The following C8orf34 variants were observed in gnomAD, a reference collection of about 807,000 sequenced individuals.
C8orf34 encodes chromosome 8 open reading frame 34.
Under a neutral mutation model 68.3 loss-of-function variants are expected in C8orf34, and 65 were observed. The ratio of observed to expected loss-of-function variants is 0.95; its 90% CI spans 0.78 to 1.17. The LOEUF (loss-of-function observed/expected upper bound fraction) is 1.17, where lower values mean the gene tolerates loss of function less well. Among genes scored for constraint, C8orf34 ranks in the 50% most tolerant of loss-of-function variants. The pLI is 0.00. For missense variants in C8orf34, 664 were observed against 655.4 expected (o/e 1.01, Z -0.14); for synonymous variants, 244 against 241.2 (o/e 1.01, Z -0.11).
intron 8 of C8orf34, among the ~76,000 whole-genome samples, chr8:68,681,205 A>T (rs1010129060): frequency 6.6e-6 from 1 of 152,192 alleles, no homozygotes; most frequent in South Asian, 2.1e-4. Flanking sequence ...CAATTTGTAT[A>T]GTTAACACAA....
intron 8 of C8orf34, among the ~76,000 whole-genome samples, chr8:68,658,848 C>A (rs754328149): frequency 2.2e-4 from 33 of 152,032 alleles, no homozygotes; most frequent in Non-Finnish European, 4.1e-4. Context: ...TTTAGAAAAA[C>A]ATTGTTTTCT....
At chr8:68,815,206 C>A (rs1824774122) in intron 12 of C8orf34, among the ~76,000 whole-genome samples, 1 of 152,204 alleles carries the variant, frequency 6.6e-6, no homozygotes, top group South Asian at 2.1e-4. Flanking sequence ...TAGTCATGCC[C>A]CATTTCCCCA....
At chr8:68,401,166 G>A (rs1468585862) in intron 1 of C8orf34, among the ~76,000 whole-genome samples, 1 of 148,128 alleles carries the variant, frequency 6.8e-6, no homozygotes, top group Non-Finnish European at 1.5e-5. Context: ...TCTTGATTTG[G>A]TTCTCAGCTG....
chr8:68,379,244 T>C (rs1310958510), intron 1 of C8orf34, among the ~76,000 whole-genome samples: 1 of 152,244 alleles, frequency 6.6e-6, no homozygotes, highest in Non-Finnish European at 1.5e-5. Flanking sequence ...CTGGTAGATA[T>C]TTGAGAGTCG....
chr8:68,748,083 A>C (rs1194853714), intron 10 of C8orf34, among the ~76,000 whole-genome samples: 1 of 145,706 alleles, frequency 6.9e-6, no homozygotes, highest in Non-Finnish European at 1.5e-5. Flanking sequence ...ATAACACCGC[A>C]TATCTACAAC....
intron 5 of C8orf34, among the ~76,000 whole-genome samples, chr8:68,489,124 A>G (rs1015247693): frequency 2.0e-5 from 3 of 152,210 alleles, no homozygotes; most frequent in Non-Finnish European, 2.9e-5. Flanking sequence ...TCTTTAATGT[A>G]TGGCTTAATT....
intron 7 of C8orf34, among the ~76,000 whole-genome samples, chr8:68,610,844 G>A (rs1266433727): frequency 1.4e-5 from 2 of 147,288 alleles, no homozygotes; most frequent in African/African-American, 5.1e-5. Flanking sequence ...ATGTTTTCTG[G>A]TTACAGTGAA....
chr8:68,458,721 G>A (rs185203714), intron 3 of C8orf34, among the ~76,000 whole-genome samples: 1 of 152,294 alleles, frequency 6.6e-6, no homozygotes, highest in East Asian at 1.9e-4. Context: ...CTGTGAGGTA[G>A]CGGTCATGGG....
intron 8 of C8orf34, among the ~76,000 whole-genome samples, chr8:68,661,880 A>T (rs1819690446): frequency 6.6e-6 from 1 of 152,090 alleles, no homozygotes; most frequent in Non-Finnish European, 1.5e-5. Context: ...ACCACCCAAA[A>T]ATATGACTGT....
At chr8:68,423,320 C>G (rs989884225) in intron 1 of C8orf34, among the ~76,000 whole-genome samples, 2 of 152,150 alleles carry the variant, frequency 1.3e-5, no homozygotes, top group Admixed American at 1.3e-4. Context: ...GTTCAGAGTT[C>G]CACAGACCTC....
chr8:68,384,338 T>C (rs2129620334), intron 1 of C8orf34, among the ~76,000 whole-genome samples: 1 of 152,334 alleles, frequency 6.6e-6, no homozygotes, highest in East Asian at 1.9e-4. Flanking sequence ...TACTAATATC[T>C]TGCTGTTTGC....
chr8:68,726,758 C>T (rs754235025), intron 10 of C8orf34, among the ~76,000 whole-genome samples: 5 of 152,078 alleles, frequency 3.3e-5, no homozygotes, highest in South Asian at 2.1e-4. Flanking sequence ...GAAGCAAAAG[C>T]GGAAACCCCT....
rs143786367 is a variant in C8orf34 at position 68,578,104 on chromosome 8, G to A, written c.1105+44955G>A. ...AAAAATAAAGGAAGGAAGAAGGAAA[G>A]GAACGAAGCGAGAGAAGGAAAGGAA... is the stretch of plus-strand genomic sequence containing the variant. On this transcript the variant is annotated intron_variant, in intron 7 of 13. Coordinates refer to ENST00000518698, the MANE Select transcript of C8orf34 (RefSeq NM_052958.4). Among the ~76,000 whole-genome samples the A allele has an allele frequency of 1.4e-3, 210 of 151,962 alleles. 1 individual carries two copies. Among genetic ancestry groups the A allele is most frequent in the African/African-American group, 4.8e-3 (200 of 41,488 alleles).
At chr8:68,744,629 T>A (rs1339664170) in intron 10 of C8orf34, among the ~76,000 whole-genome samples, 2 of 151,754 alleles carry the variant, frequency 1.3e-5, no homozygotes, top group Admixed American at 6.6e-5. Flanking sequence ...GAAGAAAGAG[T>A]ATCAGCGATG....
rs80030256 is a variant in C8orf34 at position 68,581,598 on chromosome 8, T to C, written c.1105+48449T>C. Among the ~76,000 whole-genome samples the C allele has an allele frequency of 2.1e-3, 327 of 152,204 alleles. 2 individuals are homozygous for C. Among genetic ancestry groups the C allele is most frequent in the African/African-American group, 7.4e-3 (309 of 41,562 alleles). On this transcript the variant is annotated intron_variant, in intron 7 of 13. Coordinates refer to ENST00000518698, the MANE Select transcript of C8orf34 (RefSeq NM_052958.4). ...GCAAAAGTCAGGGTGTCAAGGTCTA[T>C]TTGTATTTTTATTTTTGCTCATACT...
chr8:68,744,526 G>A (rs1167671895), intron 10 of C8orf34, among the ~76,000 whole-genome samples: 2 of 151,658 alleles, frequency 1.3e-5, no homozygotes, highest in Non-Finnish European at 3.0e-5. Context: ...AACCAATACA[G>A]AGAAGTGCTT....
chr8:68,741,953 A>G lies in C8orf34; in HGVS notation c.1404+20516A>G, dbSNP rs1383583257. Among the ~76,000 whole-genome samples the G allele has an allele frequency of 2.6e-5, 4 of 152,314 alleles. No homozygotes were observed. The East Asian group carries it at 7.7e-4, about 29-fold the overall frequency. On this transcript the variant is annotated intron_variant, in intron 10 of 13. Coordinates refer to ENST00000518698, the MANE Select transcript of C8orf34 (RefSeq NM_052958.4). ...CTGAGAATTTTGACATGACATAACC[A>G]ATCTATCCAACATTCTATCCAACAT...
At chr8:68,590,788 G>A (rs1817365332) in intron 7 of C8orf34, among the ~76,000 whole-genome samples, 2 of 152,170 alleles carry the variant, frequency 1.3e-5, no homozygotes, top group Non-Finnish European at 1.5e-5. Context: ...CGCTGGCAGA[G>A]GCAAGTGTCT....
chr8:68,519,108 A>G (rs1473373151), intron 5 of C8orf34, among the ~76,000 whole-genome samples: 1 of 152,220 alleles, frequency 6.6e-6, no homozygotes, highest in Middle Eastern at 3.2e-3. Context: ...TCTAAGGCTT[A>G]GCTTTCCCAT....
Sources: allele counts gnomAD v4.1 joint callset (sites outside exome capture counted in the v4.1 genomes callset), GRCh38; gene constraint gnomAD v4.1.1; transcripts MANE v1.5; gene names NCBI Gene and HGNC (gene_info 2026-07-23, HGNC 2026-07-21).